Variants in MEIOSIN observed in about 807,000 individuals in gnomAD.
MEIOSIN encodes meiosis initiator, also known as meiosis initiator protein.
Under a neutral mutation model 23.4 loss-of-function variants are expected in MEIOSIN, and 18 were observed. The observed-to-expected ratio is 0.77, with a 90% confidence interval of 0.53 to 1.14. The LOEUF is 1.14. MEIOSIN is among the 50% of genes most tolerant of loss of function. The pLI is 0.00. For synonymous variants in MEIOSIN, 187 were observed against 100.6 expected (o/e 1.86, Z -5.14); for missense variants, 428 against 242.9 (o/e 1.76, Z -5.07).
intron 5 of MEIOSIN, among the ~76,000 whole-genome samples, chr19:45,751,354 G>A (rs1968704425): frequency 6.6e-6 from 1 of 150,674 alleles, no homozygotes; most frequent in Non-Finnish European, 1.5e-5. Flanking sequence ...CCTTCCCCTG[G>A]CATAAAATCC....
intron 5 of MEIOSIN, 68 bp downstream of exon 5, chr19:45,750,854 A>G (rs1056183453): frequency 2.0e-6 from 1 of 507,670 alleles, no homozygotes; most frequent in Non-Finnish European, 3.5e-6. Flanking sequence ...CATCAGGGAT[A>G]CTGAGTGACC....
chr19:45,740,870 A>G (rs986640639), intron 3 of MEIOSIN, among the ~76,000 whole-genome samples: 1 of 151,952 alleles, frequency 6.6e-6, no homozygotes, highest in Non-Finnish European at 1.5e-5. Flanking sequence ...AATTAGGTTC[A>G]TATGCCACTT....
intron 4 of MEIOSIN, among the ~76,000 whole-genome samples, chr19:45,748,723 G>T (rs577021748): frequency 2.6e-5 from 4 of 152,040 alleles, no homozygotes; most frequent in Non-Finnish European, 5.9e-5. Flanking sequence ...CTTTTTCTTA[G>T]CGAGTGCCAA....
intron 4 of MEIOSIN, among the ~76,000 whole-genome samples, chr19:45,747,698 G>C (rs1176138888): frequency 1.3e-5 from 2 of 152,112 alleles, no homozygotes; most frequent in African/African-American, 4.8e-5. Flanking sequence ...GAGATGTATG[G>C]CTATGCTCAT....
chr19:45,741,349 GAA>G (rs58070090), intron 3 of MEIOSIN, among the ~76,000 whole-genome samples: 3 of 145,460 alleles, frequency 2.1e-5, no homozygotes, highest in African/African-American at 7.6e-5. Flanking sequence ...TGTCTCGGGG[GAA>G]AAAAAAAAGA....
At chr19:45,759,787 ATTTATTTTAT>A (rs141892717) in intron 11 of MEIOSIN, among the ~76,000 whole-genome samples, 6 of 150,040 alleles carry the variant, frequency 4.0e-5, no homozygotes, top group Non-Finnish European at 7.4e-5. Context: ...CATTTTATTC[ATTTATTTTAT>A]TTTATTTTAT....
chr19:45,749,200 A>T (rs1448339079), intron 4 of MEIOSIN, among the ~76,000 whole-genome samples: 1 of 151,632 alleles, frequency 6.6e-6, no homozygotes, highest in African/African-American at 2.4e-5. Context: ...GCGAAACCTC[A>T]TCTCGATAAA....
chr19:45,740,730 A>G (rs1968487138), intron 3 of MEIOSIN, among the ~76,000 whole-genome samples: 1 of 150,100 alleles, frequency 6.7e-6, no homozygotes, highest in Non-Finnish European at 1.5e-5. Context: ...AGCCTGGGCA[A>G]CAAGGCGAGA....
Position 45,739,620 on chromosome 19 carries a change from T to C in MEIOSIN, c.72-6T>C. On this transcript the variant is annotated splice_polypyrimidine_tract_variant and splice_region_variant and intron_variant, in intron 2 of 14. Transcript: ENST00000457052. Reference sequence around the variant, plus strand: ...CTGAACCAATCACTGTGACTATTCTTGGCAGGACCTTGGTTTTGTGCTCCC... The same window carrying C: ...CTGAACCAATCACTGTGACTATTCTCGGCAGGACCTTGGTTTTGTGCTCCC... 1.4e-6 allele frequency: 1 copy of C among 703,038 alleles called. No individual in the cohort carries two copies. Among genetic ancestry groups the C allele is most frequent in the South Asian group, 1.5e-5 (1 of 67,600 alleles). 43.5% of individuals were successfully genotyped at this position (703,038 alleles called of 1,614,324 possible).
intron 2 of MEIOSIN, 72 bp from the exon 3 acceptor site, chr19:45,739,554 A>G (rs1280574971): frequency 1.4e-6 from 1 of 699,380 alleles, no homozygotes; most frequent in African/African-American, 1.8e-5. Context: ...TCTAAGATTG[A>G]TTGACTCTGA....
At chr19:45,740,787 A>T (rs1968490806) in intron 3 of MEIOSIN, among the ~76,000 whole-genome samples, 1 of 148,760 alleles carries the variant, frequency 6.7e-6, no homozygotes, top group Non-Finnish European at 1.5e-5. Flanking sequence ...AATAATAATA[A>T]TAATAATAAC....
intron 11 of MEIOSIN, among the ~76,000 whole-genome samples, chr19:45,759,855 G>A (rs1968905465): frequency 6.6e-6 from 1 of 152,102 alleles, no homozygotes; most frequent in Non-Finnish European, 1.5e-5. Flanking sequence ...AGGCTGGGGT[G>A]CAGTGGTGCG....
At chr19:45,742,640 G>C (rs1043469929) in intron 3 of MEIOSIN, among the ~76,000 whole-genome samples, 1 of 151,804 alleles carries the variant, frequency 6.6e-6, no homozygotes, top group Non-Finnish European at 1.5e-5. Context: ...TTAGCCAGGC[G>C]TGGTGTCAGG....
chr19:45,742,189 T>C (rs1346282387), intron 3 of MEIOSIN, among the ~76,000 whole-genome samples: 1 of 151,222 alleles, frequency 6.6e-6, no homozygotes, highest in Non-Finnish European at 1.5e-5. Context: ...AAGTTTTTTG[T>C]AGATGCAGGG....
intron 14 of MEIOSIN, among the ~76,000 whole-genome samples, chr19:45,763,726 T>A (rs1968995829): frequency 6.6e-6 from 1 of 152,010 alleles, no homozygotes; most frequent in Non-Finnish European, 1.5e-5. Flanking sequence ...CCACCTCGAC[T>A]CCCCCGAATC....
intron 14 of MEIOSIN, 99 bp from the exon 15 acceptor site, chr19:45,763,871 CG>C: frequency 2.5e-6 from 1 of 398,196 alleles, no homozygotes; most frequent in Non-Finnish European, 4.4e-6. Flanking sequence ...GAGGCTAAAA[CG>C]GTGGCCCAGG....
intron 13 of MEIOSIN, among the ~76,000 whole-genome samples, chr19:45,762,786 G>A (rs933456985): frequency 6.6e-6 from 1 of 152,170 alleles, no homozygotes; most frequent in East Asian, 1.9e-4. Context: ...AACAAGGGCG[G>A]GTATAGACTG....
chr19:45,746,290 T>C (rs1968594223), intron 4 of MEIOSIN, among the ~76,000 whole-genome samples: 1 of 152,202 alleles, frequency 6.6e-6, no homozygotes, highest in Non-Finnish European at 1.5e-5. Flanking sequence ...TAAAGTCAAG[T>C]TGTCAGCAGG....
chr19:45,761,421 CTATTTTTTT>C (rs1968938310), intron 11 of MEIOSIN, among the ~76,000 whole-genome samples: 1 of 139,390 alleles, frequency 7.2e-6, no homozygotes, highest in Non-Finnish European at 1.5e-5. Context: ...TGCGCCTGGC[CTATTTTTTT>C]TTTTTTTTTT....
Sources: allele counts gnomAD v4.1 joint callset (sites outside exome capture counted in the v4.1 genomes callset), GRCh38; gene constraint gnomAD v4.1.1; transcripts MANE v1.5; gene names NCBI Gene and HGNC (gene_info 2026-07-23, HGNC 2026-07-21).